KCNT2: variants seen among roughly 807,000 people sequenced by gnomAD.
KCNT2 encodes potassium channel subfamily T member 2.
Under a neutral mutation model 153.8 loss-of-function variants are expected in KCNT2, and 67 were observed. That is an observed-to-expected ratio of 0.44 (90% confidence interval 0.36 to 0.53). The LOEUF (loss-of-function observed/expected upper bound fraction) is 0.53. Among genes scored for constraint, KCNT2 ranks in the 20% least tolerant of loss-of-function variants. KCNT2 has a pLI of 0.00. For synonymous variants in KCNT2, 500 were observed against 458.8 expected (o/e 1.09, Z -1.15); for missense variants, 975 against 1,354.8 (o/e 0.72, Z 4.40).
chr1:196,545,305 A>T (rs1656932572), intron 1 of KCNT2, among the ~76,000 whole-genome samples: 1 of 152,092 alleles, frequency 6.6e-6, no homozygotes, highest in Non-Finnish European at 1.5e-5. Context: ...AGAATAAGGG[A>T]AGAATAAGAC....
intron 1 of KCNT2, among the ~76,000 whole-genome samples, chr1:196,546,313 C>T (rs571702090): frequency 2.6e-5 from 4 of 152,132 alleles, no homozygotes; most frequent in East Asian, 1.9e-4. Context: ...TCTTTTGTCA[C>T]GCATACATTT....
At chr1:196,249,709 G>T (rs189320703) in intron 26 of KCNT2, among the ~76,000 whole-genome samples, 13 of 151,672 alleles carry the variant, frequency 8.6e-5, no homozygotes, top group East Asian at 1.9e-4. Flanking sequence ...GGAGGCGAAG[G>T]TTACGTAGTG....
intron 9 of KCNT2, 37 bp from the exon 10 acceptor site, chr1:196,428,306 G>C: frequency 6.7e-7 from 1 of 1,482,270 alleles, no homozygotes; most frequent in East Asian, 2.3e-5. Context: ...GAAAAACACA[G>C]TAAGGAAATA....
At chr1:196,335,652 C>T (rs1229857939) in intron 16 of KCNT2, among the ~76,000 whole-genome samples, 2 of 152,164 alleles carry the variant, frequency 1.3e-5, no homozygotes, top group African/African-American at 4.8e-5. Context: ...TTCCAAGCTT[C>T]TTCCTCATTA....
chr1:196,337,158 C>G (rs1665118352), intron 16 of KCNT2, among the ~76,000 whole-genome samples: 1 of 151,048 alleles, frequency 6.6e-6, no homozygotes, highest in South Asian at 2.1e-4. Flanking sequence ...CTTCCCTTCA[C>G]CCCCGCAAAA....
rs1323746949 is a variant in KCNT2 at position 196,564,294 on chromosome 1, CA to C, written c.95+43920del. Among the ~76,000 whole-genome samples, 7 of 151,666 alleles carry C rather than the reference CA, an allele frequency of 4.6e-5. 1 individual carries two copies. The highest frequency in any genetic ancestry group is 1.7e-4 in the African/African-American group (7 of 41,438). ...AAAAATACTTAGGAAAAAAATTAAC[CA>C]AGGAAGTAAAAGACCTGTATCTTGC... On this transcript the variant is annotated intron_variant, in intron 1 of 27. Transcript: ENST00000294725.
At chr1:196,447,975 A>C (rs115406488) in intron 8 of KCNT2, among the ~76,000 whole-genome samples, 57 of 151,534 alleles carry the variant, frequency 3.8e-4, no homozygotes, top group African/African-American at 1.3e-3. Context: ...AGTTAAATGA[A>C]AGTGTAAATT....
chr1:196,423,039 TA>T lies in KCNT2; in HGVS notation c.1185+10del. Reference sequence around the variant, plus strand: ...AAGCACAACTTACTAAAAAAGATTTTAGAAACTTACAGATGATGTCCTATCC... The same window carrying T: ...AAGCACAACTTACTAAAAAAGATTTTGAAACTTACAGATGATGTCCTATCC... On this transcript the variant is annotated intron_variant, in intron 12 of 27. Coordinates refer to ENST00000294725, the MANE Select transcript of KCNT2 (RefSeq NM_198503.5). 1 of 1,536,744 alleles carries T rather than the reference TA, an allele frequency of 6.5e-7. No homozygotes were observed. The highest frequency in any genetic ancestry group is 8.8e-7 in the Non-Finnish European group (1 of 1,135,712).
intron 20 of KCNT2, among the ~76,000 whole-genome samples, chr1:196,317,863 A>G (rs1403835960): frequency 1.3e-5 from 2 of 151,782 alleles, no homozygotes; most frequent in African/African-American, 4.8e-5. Context: ...TTGGCAAATT[A>G]TCGTTACATA....
At chr1:196,584,295 C>T (rs1662409489) in intron 1 of KCNT2, among the ~76,000 whole-genome samples, 1 of 151,904 alleles carries the variant, frequency 6.6e-6, no homozygotes, top group Admixed American at 6.6e-5. Context: ...TAATAAATAA[C>T]ATACGCCTCA....
intron 1 of KCNT2, among the ~76,000 whole-genome samples, chr1:196,507,389 T>C (rs1681234212): frequency 6.6e-6 from 1 of 152,142 alleles, no homozygotes; most frequent in Non-Finnish European, 1.5e-5. Flanking sequence ...TTTACAAATG[T>C]GAAGGAAAAG....
intron 14 of KCNT2, 36 bp from the exon 15 acceptor site, chr1:196,342,264 A>G (rs1479818617): frequency 1.3e-6 from 2 of 1,560,056 alleles, no homozygotes. Context: ...ACACACACAA[A>G]AAGAAAACAC....
intron 5 of KCNT2, among the ~76,000 whole-genome samples, chr1:196,472,359 A>G (rs1017302012): frequency 1.1e-4 from 16 of 152,338 alleles, no homozygotes; most frequent in Admixed American, 5.2e-4. Context: ...TGTAGAAATG[A>G]TTAAACTTGT....
chr1:196,263,877 T>C (rs1189509219), intron 25 of KCNT2, among the ~76,000 whole-genome samples: 2 of 152,218 alleles, frequency 1.3e-5, no homozygotes, highest in African/African-American at 4.8e-5. Context: ...TTATGATACA[T>C]TTTTAAATGT....
chr1:196,296,638 G>T (rs994823371), intron 22 of KCNT2, among the ~76,000 whole-genome samples: 1 of 152,008 alleles, frequency 6.6e-6, no homozygotes, highest in Non-Finnish European at 1.5e-5. Context: ...TCCTCTACAG[G>T]TTATAGCAAC....
At chr1:196,357,076 T>A (rs2148249916) in intron 14 of KCNT2, among the ~76,000 whole-genome samples, 1 of 152,078 alleles carries the variant, frequency 6.6e-6, no homozygotes. Context: ...TTCATTTCCA[T>A]ATCTTCTCAT....
intron 1 of KCNT2, among the ~76,000 whole-genome samples, chr1:196,526,438 T>C (rs1184808783): frequency 6.6e-6 from 1 of 151,530 alleles, no homozygotes; most frequent in Non-Finnish European, 1.5e-5. Flanking sequence ...TCTTAGAACC[T>C]TACCATGTAG....
chr1:196,482,265 A>G (rs1416755550), intron 4 of KCNT2, 66 bp downstream of exon 4: 4 of 996,398 alleles, frequency 4.0e-6, no homozygotes, highest in Non-Finnish European at 6.1e-6. Context: ...AAGCTCTCCA[A>G]TAGTACTTCT....
intron 1 of KCNT2, among the ~76,000 whole-genome samples, chr1:196,581,616 C>A (rs529520810): frequency 4.6e-5 from 7 of 151,856 alleles, no homozygotes; most frequent in South Asian, 2.1e-4. Context: ...CCACAAGTAT[C>A]CTAAGGAGAT....
Sources: allele counts gnomAD v4.1 joint callset (sites outside exome capture counted in the v4.1 genomes callset), GRCh38; gene constraint gnomAD v4.1.1; transcripts MANE v1.5; gene names NCBI Gene and HGNC (gene_info 2026-07-23, HGNC 2026-07-21).